Variants in LYSMD2 observed in about 807,000 individuals in gnomAD.
LYSMD2 encodes lysM and putative peptidoglycan-binding domain-containing protein 2.
In LYSMD2, 6 loss-of-function variants were observed where a neutral mutation model predicts 17.7. The ratio of observed to expected loss-of-function variants is 0.34; its 90% confidence interval spans 0.19 to 0.67. LYSMD2 has a LOEUF of 0.67. Ranked by LOEUF, LYSMD2 falls within the 30% of genes least tolerant of loss-of-function variation. The probability of loss-of-function intolerance (pLI) is 0.69; values close to 1 mark genes in which losing one functional copy is unlikely to be tolerated. For synonymous variants in LYSMD2, 102 were observed against 129.8 expected (o/e 0.79, Z 1.45); for missense variants, 237 against 286.7 (o/e 0.83, Z 1.25).
intron 1 of LYSMD2, chr15:51,751,258 G>C: frequency 1.4e-6 from 1 of 702,014 alleles, no homozygotes; most frequent in Non-Finnish European, 2.6e-6. Flanking sequence ...CCTGGGGCGG[G>C]CGGGGTCTGT....
chr15:51,726,643 C>A (rs2055542099), intron 1 of LYSMD2, among the ~76,000 whole-genome samples: 1 of 152,234 alleles, frequency 6.6e-6, no homozygotes, highest in Non-Finnish European at 1.5e-5. Context: ...ATCCTGGCAC[C>A]TTGTGGAATC....
intron 1 of LYSMD2, among the ~76,000 whole-genome samples, chr15:51,735,226 T>C (rs535959799): frequency 1.4e-4 from 22 of 152,298 alleles, no homozygotes; most frequent in Admixed American, 1.3e-3. Context: ...TTCACTGTTA[T>C]GGTAAGTATT....
At chr15:51,749,824 T>C (rs2055688006) in intron 1 of LYSMD2, among the ~76,000 whole-genome samples, 1 of 152,226 alleles carries the variant, frequency 6.6e-6, no homozygotes, top group Non-Finnish European at 1.5e-5. Context: ...ATAACAAATG[T>C]ACAGGAAAAC....
chr15:51,735,501 A>G (rs973542948), intron 1 of LYSMD2, among the ~76,000 whole-genome samples: 2 of 152,262 alleles, frequency 1.3e-5, no homozygotes, highest in African/African-American at 2.4e-5. Flanking sequence ...TATCTGGTCT[A>G]TAACATCAAC....
intron 1 of LYSMD2, among the ~76,000 whole-genome samples, chr15:51,727,479 G>T (rs2055547574): frequency 1.3e-5 from 2 of 152,180 alleles, no homozygotes; most frequent in South Asian, 4.1e-4. Flanking sequence ...TCCCTTGTTG[G>T]TTCCCTCAAC....
intron 1 of LYSMD2, among the ~76,000 whole-genome samples, chr15:51,734,579 G>GGA (rs1162567684): frequency 6.6e-6 from 1 of 152,188 alleles, no homozygotes; most frequent in Non-Finnish European, 1.5e-5. Context: ...GAGTTGCCAT[G>GGA]GAGAGACAGG....
intron 1 of LYSMD2, among the ~76,000 whole-genome samples, chr15:51,743,598 T>C (rs2055653409): frequency 6.6e-6 from 1 of 152,226 alleles, no homozygotes; most frequent in African/African-American, 2.4e-5. Context: ...GCATTGGCAT[T>C]TCTAAGCCAT....
intron 1 of LYSMD2, among the ~76,000 whole-genome samples, chr15:51,728,396 A>AAC (rs61106396): frequency 0.27 from 38,709 of 144,644 alleles, 5,657 homozygotes; most frequent in Non-Finnish European, 0.35. Context: ...TCCAGGAGAA[A>AAC]ACACACACAC....
rs1299949396 is a variant in LYSMD2, at chr15:51,737,302, C to G, written c.273+48G>C. The G allele has an allele frequency of 1.6e-6, 2 of 1,287,184 alleles. No individual in the cohort carries two copies. The highest frequency in any genetic ancestry group is 3.1e-5 in the African/African-American group (2 of 64,184). 79.7% of individuals were successfully genotyped at this position (1,287,184 alleles called of 1,614,324 possible). A position where few individuals can be genotyped will look rare whatever the true frequency, so the allele number is the denominator to read the frequency against. ...CACCGCACCCCGAGCCGCACCGCCT[C>G]CTGCGCGGTAGCTGCCAGCCCGGGC... On this transcript the variant is annotated intron_variant, in intron 1 of 2. Coordinates refer to ENST00000267838, the MANE Select transcript of LYSMD2 (RefSeq NM_153374.3). This position sits in a 1 kb window ranked among gnomAD's most constrained non-coding sequence, Gnocchi z 4.2.
chr15:51,726,768 A>G (rs2055542740), intron 1 of LYSMD2, among the ~76,000 whole-genome samples: 1 of 152,112 alleles, frequency 6.6e-6, no homozygotes, highest in Non-Finnish European at 1.5e-5. Context: ...TTTTTTGTTT[A>G]GGCCAATTTG....
chr15:51,751,052 A>C (rs2055697367), intron 1 of LYSMD2, among the ~76,000 whole-genome samples: 1 of 152,252 alleles, frequency 6.6e-6, no homozygotes, highest in African/African-American at 2.4e-5. Context: ...CCTGTTTTAC[A>C]GATGAGGACG....
chr15:51,746,959 C>G (rs1178765097), intron 1 of LYSMD2, among the ~76,000 whole-genome samples: 1 of 142,848 alleles, frequency 7.0e-6, no homozygotes, highest in East Asian at 2.2e-4. Context: ...GCAGGCAGAT[C>G]ACTTGAGGTC....
Position 51,724,795 on chromosome 15 carries a change from C to G in LYSMD2, c.600G>C (p.Glu200Asp). Residue 200 changes from glutamate (E) to aspartate (D), a missense_variant, in exon 2 of 3, where the codon GAG becomes GAC. Coordinates refer to ENST00000267838, the MANE Select transcript of LYSMD2 (RefSeq NM_153374.3). Reference sequence around the variant, plus strand: ...TTGTACCAGGGTATTCTTACCTGCTCTCTTCTTTTAGCTTCTTGGCTGCCT... The same window carrying G: ...TTGTACCAGGGTATTCTTACCTGCTGTCTTCTTTTAGCTTCTTGGCTGCCT... ...STQAAKKLKE[E>D]SRDEESPYAT... is the part of the protein sequence containing the mutation. 1 of 1,611,868 alleles carries G rather than the reference C, an allele frequency of 6.2e-7. No homozygotes were observed. Among genetic ancestry groups the G allele is most frequent in the Non-Finnish European group, 8.5e-7 (1 of 1,178,550 alleles).
chr15:51,742,288 C>A (rs553941793), upstream of LYSMD2, among the ~76,000 whole-genome samples: 26 of 152,338 alleles, frequency 1.7e-4, no homozygotes, highest in African/African-American at 6.3e-4. Flanking sequence ...GATCTACCCA[C>A]CTCGGCCTCC....
rs974095168 is a variant in LYSMD2 at position 51,737,396 on chromosome 15, C to T, written c.227G>A (p.Arg76His). ...VIERHVEHRV[R>H]AGDTLQGIAL... ...GATGCCCTGCAGCGTGTCGCCCGCG[C>T]GGACCCGGTGCTCCACATGGCGCTC... is the stretch of plus-strand genomic sequence containing the variant. Residue 76 changes from arginine to histidine, a missense_variant, in exon 1 of 3, where the codon CGC (arginine) becomes CAC (histidine). Arg to His is a conservative substitution (Grantham distance 29, BLOSUM62 0). Coordinates refer to ENST00000267838, the MANE Select transcript of LYSMD2 (RefSeq NM_153374.3). The surrounding 1 kb of genome is among the most constrained non-coding windows in gnomAD (Gnocchi z 4.2). 22 of 1,457,424 alleles carry T rather than the reference C, an allele frequency of 1.5e-5. No homozygotes were observed. The highest frequency in any genetic ancestry group is 4.4e-4 in the Middle Eastern group (2 of 4,498). 90.3% of individuals were successfully genotyped at this position (1,457,424 alleles called of 1,614,324 possible).
At chr15:51,732,082 C>A (rs2055580746) in intron 1 of LYSMD2, among the ~76,000 whole-genome samples, 1 of 152,134 alleles carries the variant, frequency 6.6e-6, no homozygotes, top group South Asian at 2.1e-4. Flanking sequence ...TGTAAAGACC[C>A]ACTGCTGGTG....
In LYSMD2 at chr15:51,723,635, G is replaced by T. The variant is rs774401130; in HGVS notation, c.620C>A (p.Pro207His). ...ACTGTGATAGAGGGAAGTTGCATAG[G>T]GACTTTCTTCATCTCTGAAAGAAAA... is the stretch of plus-strand genomic sequence containing the variant. Reference protein sequence around the residue: ...LKEESRDEESPYATSLYHS With the variant: ...LKEESRDEESHYATSLYHS Residue 207 changes from proline to histidine, a missense_variant, in exon 3 of 3, where the codon CCC (proline) becomes CAC (histidine). Pro to His is a moderately conservative substitution (Grantham distance 77). Transcript: ENST00000267838. 9.4e-6 allele frequency: 15 copies of T among 1,604,106 alleles called. No homozygotes were observed. The highest frequency in any genetic ancestry group is 1.0e-5 in the Non-Finnish European group (12 of 1,175,356).
rs1279066216 is a variant in LYSMD2 at position 51,723,234 on chromosome 15, A to G, written c.*373T>C. The G allele has an allele frequency of 5.5e-6, 1 of 182,710 alleles. No individual in the cohort carries two copies. Among genetic ancestry groups the G allele is most frequent in the African/African-American group, 2.4e-5 (1 of 41,810 alleles). 11.3% of individuals were successfully genotyped at this position (182,710 alleles called of 1,614,324 possible). On this transcript the variant is annotated 3_prime_UTR_variant, in exon 3 of 3. Transcript: ENST00000267838. Reference sequence around the variant, plus strand: ...ACAGCAAATTCAGCATCACTTAAACAGCAACCATATTTTCACATAATCAGG... The same window carrying G: ...ACAGCAAATTCAGCATCACTTAAACGGCAACCATATTTTCACATAATCAGG...
At chr15:51,741,957 T>C (rs2055644969), upstream of LYSMD2, among the ~76,000 whole-genome samples, 1 of 149,046 alleles carries the variant, frequency 6.7e-6, no homozygotes. Context: ...AATGTATATA[T>C]AAATAATATA....
Sources: allele counts gnomAD v4.1 joint callset (sites outside exome capture counted in the v4.1 genomes callset), GRCh38; gene constraint gnomAD v4.1.1; non-coding constraint Gnocchi (gnomAD v3.1); transcripts MANE v1.5; gene names NCBI Gene and HGNC (gene_info 2026-07-23, HGNC 2026-07-21).